NIF3L1: variants seen among roughly 807,000 people sequenced by gnomAD.
The protein encoded by NIF3L1 is NIF3-like protein 1.
NIF3L1 carries 26 observed loss-of-function variants against 35.0 expected under a neutral mutation model. That is an observed-to-expected ratio of 0.74 (90% confidence interval 0.54 to 1.03). The LOEUF (loss-of-function observed/expected upper bound fraction) is 1.03. Ranked by LOEUF, NIF3L1 falls within the 50% of genes least tolerant of loss-of-function variation. NIF3L1 has a pLI of 0.00. For missense variants in NIF3L1, 449 were observed against 466.3 expected (o/e 0.96, Z 0.34); for synonymous variants, 157 against 178.9 (o/e 0.88, Z 0.98).
chr2:200,896,863 C>T (rs1559350235), intron 4 of NIF3L1, among the ~76,000 whole-genome samples: 1 of 152,206 alleles, frequency 6.6e-6, no homozygotes, highest in Non-Finnish European at 1.5e-5. Context: ...GGATTATAGG[C>T]ATGAGCCATC....
rs748769188 is a variant in NIF3L1 at position 200,903,897 on chromosome 2, G to A, written c.*219G>A. The A allele has an allele frequency of 1.3e-5, 7 of 549,432 alleles. No homozygotes were observed. The highest frequency in any genetic ancestry group is 2.0e-5 in the Non-Finnish European group (6 of 305,772). 34.0% of individuals were successfully genotyped at this position (549,432 alleles called of 1,614,324 possible). On this transcript the variant is annotated 3_prime_UTR_variant, in exon 7 of 7. Coordinates refer to ENST00000409020, the MANE Select transcript of NIF3L1 (RefSeq NM_001369441.2). ...AACAAATGTTCATTATAAACTCTAG[G>A]AAAGATTGAATAAAATCTGTTTACT...
rs758308750 is a variant in NIF3L1, at chr2:200,893,424, C to T, written c.599+16C>T. 1 of 1,612,614 alleles carries T rather than the reference C, an allele frequency of 6.2e-7. No homozygotes were observed. On this transcript the variant is annotated intron_variant, in intron 3 of 6. Coordinates refer to ENST00000409020, the MANE Select transcript of NIF3L1 (RefSeq NM_001369441.2). Reference sequence around the variant, plus strand: ...TTTCTGCTAGGTACAATTTATTTTTCTCTTTTTTTTGTGTGTATTTATTGG... The same window carrying T: ...TTTCTGCTAGGTACAATTTATTTTTTTCTTTTTTTTGTGTGTATTTATTGG...
Position 200,890,954 on chromosome 2 carries a change from C to CTTT in NIF3L1, c.-26-949_-26-947dup, listed in dbSNP as rs58191528. 3.9e-4 allele frequency among the ~76,000 whole-genome samples: 54 copies of CTTT among 137,010 alleles called. 1 individual carries two copies. The highest frequency in any genetic ancestry group is 5.7e-4 in the African/African-American group (21 of 37,038). 89.9% of individuals were successfully genotyped at this position (137,010 alleles called of 152,430 possible). ...TAAAGCACTTGACATTTTAAACATT[C>CTTT]TTTTTTTTTTTTTTTTTCTTTTTGA... On this transcript the variant is annotated intron_variant, in intron 1 of 6. Transcript: ENST00000409020.
At chr2:200,901,118 AT>A (rs2040404664) in intron 6 of NIF3L1, among the ~76,000 whole-genome samples, 1 of 152,250 alleles carries the variant, frequency 6.6e-6, no homozygotes, top group South Asian at 2.1e-4. Context: ...TGGAACAATT[AT>A]CAAACATGGG....
rs151133472 is a variant in NIF3L1, at chr2:200,891,334, G to A, written c.-26-584G>A. On this transcript the variant is annotated intron_variant, in intron 1 of 6. Coordinates refer to ENST00000409020, the MANE Select transcript of NIF3L1 (RefSeq NM_001369441.2). ...GTTGCAATCAGGGGAGGCGGGCAGT[G>A]TCATTCTATGCAGTAAGCATTTAGT... Among the ~76,000 whole-genome samples the A allele has an allele frequency of 7.7e-3, 1,172 of 152,268 alleles. 13 individuals carry two copies. The highest frequency in any genetic ancestry group is 0.027 in the African/African-American group (1,112 of 41,542).
intron 4 of NIF3L1, 107 bp downstream of exon 4, chr2:200,895,497 T>G: frequency 9.5e-7 from 1 of 1,051,596 alleles, no homozygotes; most frequent in South Asian, 1.4e-5. Context: ...TATACCTTAT[T>G]GAGGTATAAT....
At position 200,892,387 on chromosome 2, in the gene NIF3L1, G is replaced by T. The variant is rs774169567; in HGVS notation, c.436+8G>T. On this transcript the variant is annotated splice_region_variant and intron_variant, in intron 2 of 6. Transcript: ENST00000409020. ...GGTTGGCTAAAGGGCTTGGTGAGAA[G>T]CCTCTTTCATATTTGATATTTTCCC... 65 of 1,556,668 alleles carry T rather than the reference G, an allele frequency of 4.2e-5. 2 individuals are homozygous for T. The highest frequency in any genetic ancestry group is 6.0e-6 in the Non-Finnish European group (7 of 1,157,178).
In NIF3L1 at chr2:200,893,387, C is replaced by T. The variant is rs978481619; in HGVS notation, c.578C>T (p.Ser193Phe). 2 of 1,613,728 alleles carry T rather than the reference C, an allele frequency of 1.2e-6. No homozygotes were observed. Among genetic ancestry groups the T allele is most frequent in the Admixed American group, 1.7e-5 (1 of 59,984 alleles). ...MSAVKGIDGV[S>F]VTSFSARTGN... is the part of the protein sequence containing the mutation. ...GCAGTGAAAGGAATTGACGGTGTTTCTGTCACTTCTTTTTCTGCTAGGTAC... is the reference window on the plus strand; with the variant it reads ...GCAGTGAAAGGAATTGACGGTGTTTTTGTCACTTCTTTTTCTGCTAGGTAC... The change falls in exon 3 of 7, where the codon TCT (serine) becomes TTT (phenylalanine). Residue 193 changes from serine to phenylalanine, a missense_variant. Ser to Phe is a radical substitution (Grantham distance 155). Coordinates refer to ENST00000409020, the MANE Select transcript of NIF3L1 (RefSeq NM_001369441.2).
intron 6 of NIF3L1, among the ~76,000 whole-genome samples, chr2:200,902,822 ATTAC>A (rs2040430416): frequency 1.3e-5 from 2 of 152,176 alleles, no homozygotes; most frequent in Admixed American, 1.3e-4. Flanking sequence ...AGAGGTATTT[ATTAC>A]TTACATAAGA....
At chr2:200,893,100 T>G (rs2040234019) in intron 2 of NIF3L1, 146 bp from the exon 3 acceptor site, 1 of 499,696 alleles carries the variant, frequency 2.0e-6, no homozygotes, top group Admixed American at 3.5e-5. Flanking sequence ...GTGATGTATA[T>G]CTAAGGGATG....
intron 6 of NIF3L1, among the ~76,000 whole-genome samples, chr2:200,900,184 A>G (rs1195394587): frequency 3.9e-5 from 6 of 151,924 alleles, no homozygotes; most frequent in Non-Finnish European, 8.8e-5. Flanking sequence ...TTGACCTCCA[A>G]TGTGCACTTC....
chr2:200,897,152 GAATA>G lies in NIF3L1; in HGVS notation c.806_809del (p.Ile269LysfsTer4). On this transcript the variant is annotated frameshift_variant, in exon 5 of 7. Coordinates refer to ENST00000409020, the MANE Select transcript of NIF3L1 (RefSeq NM_001369441.2). LOFTEE classifies it high-confidence loss of function. ...GTCTCCCTGGCAACCATGATTGATC[GAATA>G]AAAAGACACCTAAAACTATCTCATA... 2 of 1,613,956 alleles carry G rather than the reference GAATA, an allele frequency of 1.2e-6. No homozygotes were observed. Among genetic ancestry groups the G allele is most frequent in the Non-Finnish European group, 1.7e-6 (2 of 1,179,956 alleles).
Position 200,897,594 on chromosome 2 carries a change from A to G in NIF3L1, c.865+380A>G, listed in dbSNP as rs188852584. ...ATTAGTCATGTTGCCCAATACAAGC[A>G]AGGGAGGCATAAAGTGCAGTCTTAC... On this transcript the variant is annotated intron_variant, in intron 5 of 6. Transcript: ENST00000409020. 1.3e-3 allele frequency among the ~76,000 whole-genome samples: 203 copies of G among 152,250 alleles called. 2 individuals are homozygous for G. Among genetic ancestry groups the G allele is most frequent in the African/African-American group, 4.7e-3 (195 of 41,540 alleles).
intron 6 of NIF3L1, among the ~76,000 whole-genome samples, chr2:200,903,268 G>C (rs576103556): frequency 6.6e-6 from 1 of 152,334 alleles, no homozygotes; most frequent in East Asian, 1.9e-4. Context: ...CTCCCAAAGT[G>C]CTGGGATTAC....
In NIF3L1 at chr2:200,892,403, A is replaced by T. The variant is rs1032649797; in HGVS notation, c.436+24A>T. On this transcript the variant is annotated intron_variant, in intron 2 of 6. Coordinates refer to ENST00000409020, the MANE Select transcript of NIF3L1 (RefSeq NM_001369441.2). Reference sequence around the variant, plus strand: ...TGGTGAGAAGCCTCTTTCATATTTGATATTTTCCCTGCAAATACTTTGAAA... The same window carrying T: ...TGGTGAGAAGCCTCTTTCATATTTGTTATTTTCCCTGCAAATACTTTGAAA... 3 of 1,529,768 alleles carry T rather than the reference A, an allele frequency of 2.0e-6. No individual in the cohort carries two copies. The East Asian group carries it at 6.8e-5, about 35-fold the overall frequency. 94.8% of individuals were successfully genotyped at this position (1,529,768 alleles called of 1,614,324 possible). A position where few individuals can be genotyped will look rare whatever the true frequency, so the allele number is the denominator to read the frequency against.
chr2:200,896,959 C>T, intron 4 of NIF3L1, 117 bp from the exon 5 acceptor site: 1 of 964,134 alleles, frequency 1.0e-6, no homozygotes. Flanking sequence ...GGTTTGTATC[C>T]CCACATTTAG....
At chr2:200,896,666 T>A (rs1223378024) in intron 4 of NIF3L1, among the ~76,000 whole-genome samples, 2 of 152,146 alleles carry the variant, frequency 1.3e-5, no homozygotes, top group Non-Finnish European at 2.9e-5. Flanking sequence ...CACCACAACC[T>A]CTGTCTCCTG....
intron 4 of NIF3L1, 99 bp downstream of exon 4, chr2:200,895,489 T>A (rs2040290895): frequency 1.4e-5 from 16 of 1,180,498 alleles, no homozygotes; most frequent in Non-Finnish European, 3.7e-6. Flanking sequence ...TATTGAGGTA[T>A]ACCTTATTGA....
intron 4 of NIF3L1, among the ~76,000 whole-genome samples, chr2:200,896,522 C>T (rs2124889280): frequency 6.6e-6 from 1 of 152,282 alleles, no homozygotes; most frequent in East Asian, 1.9e-4. Flanking sequence ...AGTCACAGCT[C>T]ATTTAGTTTG....
Sources: gnomAD v4.1 joint callset for allele counts (sites outside exome capture counted in the v4.1 genomes callset) on GRCh38, gnomAD v4.1.1 for gene constraint, MANE v1.5 for transcripts, NCBI Gene and HGNC (gene_info 2026-07-23, HGNC 2026-07-21) for gene names.